The following CDH4 variants were observed in gnomAD, a reference collection of about 807,000 sequenced individuals.
CDH4 encodes the protein cadherin-4.
A neutral mutation model predicts 86.0 loss-of-function variants in CDH4; 33 were observed. That is an observed-to-expected ratio of 0.38 (90% CI 0.29 to 0.51). The LOEUF (loss-of-function observed/expected upper bound fraction) is 0.51, where lower values mean the gene tolerates loss of function less well. Among genes scored for constraint, CDH4 ranks in the 20% least tolerant of loss-of-function variants. CDH4 has a pLI of 0.86. For missense variants in CDH4, 1,114 were observed against 1,307.4 expected (o/e 0.85, Z 2.28); for synonymous variants, 555 against 549.4 (o/e 1.01, Z -0.14).
chr20:61,386,774 C>T (rs1231553752), intron 2 of CDH4, among the ~76,000 whole-genome samples: 1 of 152,234 alleles, frequency 6.6e-6, no homozygotes, highest in Non-Finnish European at 1.5e-5. Context: ...CCATTGCTGT[C>T]CTCGATATTT....
intron 3 of CDH4, among the ~76,000 whole-genome samples, chr20:61,768,996 G>A (rs530292857): frequency 5.1e-4 from 77 of 152,292 alleles, no homozygotes; most frequent in South Asian, 1.2e-3. Flanking sequence ...ACCACCAGGC[G>A]GGAGAGACCA....
chr20:61,549,884 G>A lies in CDH4; in HGVS notation c.170-193679G>A, dbSNP rs570972615. Reference sequence around the variant, plus strand: ...AACAGGTTTGCTTTGCAGAATGGGCGCTTCCTGTGCTTGTGGTCAGCTGCC... The same window carrying A: ...AACAGGTTTGCTTTGCAGAATGGGCACTTCCTGTGCTTGTGGTCAGCTGCC... On this transcript the variant is annotated intron_variant, in intron 2 of 15. Coordinates refer to ENST00000614565, the MANE Select transcript of CDH4 (RefSeq NM_001794.5). 5.9e-5 allele frequency among the ~76,000 whole-genome samples: 9 copies of A among 152,324 alleles called. No individual in the cohort carries two copies. The East Asian group carries it at 9.6e-4, about 16-fold the overall frequency.
At chr20:61,934,938 A>T (rs1353933022) in intron 15 of CDH4, among the ~76,000 whole-genome samples, 2 of 152,262 alleles carry the variant, frequency 1.3e-5, no homozygotes, top group Admixed American at 1.3e-4. Context: ...TCGCCAGGGC[A>T]ACACTCAGTT....
intron 7 of CDH4, among the ~76,000 whole-genome samples, chr20:61,880,312 C>A (rs1446852349): frequency 5.9e-5 from 9 of 152,180 alleles, no homozygotes; most frequent in Admixed American, 4.6e-4. Context: ...GCGTTTCCCG[C>A]TGGCTGGGTT....
At chr20:61,699,498 A>G (rs2087750935) in intron 2 of CDH4, among the ~76,000 whole-genome samples, 1 of 151,522 alleles carries the variant, frequency 6.6e-6, no homozygotes, top group Non-Finnish European at 1.5e-5. Flanking sequence ...GCTAATTAGG[A>G]TATGTGGCAG....
chr20:61,630,327 C>T (rs1000607683), intron 2 of CDH4, among the ~76,000 whole-genome samples: 5 of 152,188 alleles, frequency 3.3e-5, no homozygotes, highest in African/African-American at 2.4e-5. Context: ...TCTGCCTGGG[C>T]GCCCGCTCAC....
intron 2 of CDH4, among the ~76,000 whole-genome samples, chr20:61,713,123 C>T (rs1344334541): frequency 6.6e-6 from 1 of 152,212 alleles, no homozygotes; most frequent in African/African-American, 2.4e-5. Flanking sequence ...TATCCCTCCT[C>T]TCTCTGGGCA....
intron 3 of CDH4, among the ~76,000 whole-genome samples, chr20:61,757,243 C>CA (rs397962372): frequency 6.6e-6 from 1 of 151,202 alleles, no homozygotes; most frequent in Non-Finnish European, 1.5e-5. Flanking sequence ...ACCCCCCCCC[C>CA]AGCCCCCTCC....
chr20:61,273,783 C>A (rs1007109946), intron 2 of CDH4, among the ~76,000 whole-genome samples: 1 of 142,852 alleles, frequency 7.0e-6, no homozygotes, highest in Middle Eastern at 4.5e-3. Flanking sequence ...TGGAGGAGTA[C>A]CATGTGCAGT....
At chr20:61,837,177 A>G (rs1033521277) in intron 4 of CDH4, among the ~76,000 whole-genome samples, 1 of 152,178 alleles carries the variant, frequency 6.6e-6, no homozygotes, top group African/African-American at 2.4e-5. Context: ...TGGGCGACAG[A>G]GCAAGACCCT....
chr20:61,717,067 A>G (rs564032244), intron 2 of CDH4, among the ~76,000 whole-genome samples: 2 of 152,240 alleles, frequency 1.3e-5, no homozygotes, highest in South Asian at 4.2e-4. Context: ...GCTTCTTCCC[A>G]TCCCTGCTCC....
At chr20:61,570,430 C>A (rs1019186951) in intron 2 of CDH4, 61 of 506,952 alleles carry the variant, frequency 1.2e-4, no homozygotes, top group African/African-American at 1.1e-3. Flanking sequence ...GCTTCAGCAG[C>A]CCTGGTGCTG....
intron 9 of CDH4, among the ~76,000 whole-genome samples, chr20:61,920,994 C>T (rs998260029): frequency 7.6e-5 from 9 of 118,786 alleles, no homozygotes; most frequent in Admixed American, 5.6e-4. Context: ...AGTGTGGTGT[C>T]GTGATTGCAT....
chr20:61,482,811 A>G (rs1025285103), intron 2 of CDH4, among the ~76,000 whole-genome samples: 7 of 152,310 alleles, frequency 4.6e-5, no homozygotes, highest in Admixed American at 4.6e-4. Flanking sequence ...CCGATGGAGC[A>G]CCTGCCACAT....
At chr20:61,570,813 C>T in intron 2 of CDH4, 1 of 701,588 alleles carries the variant, frequency 1.4e-6, no homozygotes, top group South Asian at 1.5e-5. Flanking sequence ...TCTGCCGCGC[C>T]AGGGGGTTGC....
chr20:61,732,617 T>C (rs944247), intron 2 of CDH4, among the ~76,000 whole-genome samples: 80,420 of 152,042 alleles, frequency 0.53, 21,589 homozygotes, highest in African/African-American at 0.6. Context: ...GGAGAGGGGA[T>C]GCCTCCCTCC....
At chr20:61,521,724 G>A (rs935207966) in intron 2 of CDH4, among the ~76,000 whole-genome samples, 1 of 152,258 alleles carries the variant, frequency 6.6e-6, no homozygotes, top group African/African-American at 2.4e-5. Flanking sequence ...AGGGGGGTGG[G>A]TGTGGGCCCC....
chr20:61,885,132 C>T (rs1984481954), intron 7 of CDH4, among the ~76,000 whole-genome samples: 1 of 152,252 alleles, frequency 6.6e-6, no homozygotes, highest in Admixed American at 6.5e-5. Context: ...GAAGTCGACA[C>T]ATAGCACGTT....
chr20:61,404,806 T>C (rs1267308029), intron 2 of CDH4, among the ~76,000 whole-genome samples: 1 of 151,902 alleles, frequency 6.6e-6, no homozygotes, highest in Non-Finnish European at 1.5e-5. Flanking sequence ...ATCCCAGCAC[T>C]TTAGGAGGCT....
Sources: gnomAD v4.1 joint callset for allele counts (sites outside exome capture counted in the v4.1 genomes callset) on GRCh38, gnomAD v4.1.1 for gene constraint, MANE v1.5 for transcripts, NCBI Gene and HGNC (gene_info 2026-07-23, HGNC 2026-07-21) for gene names.